Variants in IRAK1BP1 observed in about 807,000 individuals in gnomAD.
IRAK1BP1 encodes the protein interleukin-1 receptor-associated kinase 1-binding protein 1.
IRAK1BP1 carries 24 observed loss-of-function variants against 28.0 expected under a neutral mutation model. That is an observed-to-expected ratio of 0.86 (90% CI 0.62 to 1.20). The LOEUF (loss-of-function observed/expected upper bound fraction) is 1.20, where lower values mean the gene tolerates loss of function less well. Ranked by LOEUF, IRAK1BP1 falls within the 50% of genes most tolerant of loss-of-function variation. IRAK1BP1 has a pLI of 0.00. For missense variants in IRAK1BP1, 336 were observed against 316.7 expected, an observed-to-expected ratio of 1.06 and a Z score of -0.46; for synonymous variants, 131 against 116.3, an observed-to-expected ratio of 1.13 and a Z score of -0.81.
downstream of IRAK1BP1, chr6:78,947,673 T>C: frequency 6.5e-7 from 1 of 1,532,366 alleles, no homozygotes; most frequent in South Asian, 1.1e-5. Flanking sequence ...AAAATAAGTC[T>C]GACATCTTTA....
At chr6:78,922,840 G>T (rs971000770) in intron 4 of IRAK1BP1, among the ~76,000 whole-genome samples, 2 of 152,082 alleles carry the variant, frequency 1.3e-5, no homozygotes, top group African/African-American at 2.4e-5. Context: ...AGAAGTGAAG[G>T]AGAAATAAAA....
intron 2 of IRAK1BP1, among the ~76,000 whole-genome samples, chr6:78,890,044 G>T (rs1771581550): frequency 6.6e-6 from 1 of 152,068 alleles, no homozygotes; most frequent in Non-Finnish European, 1.5e-5. Flanking sequence ...TGATAAACTG[G>T]ATTAAGAAAA....
At chr6:78,936,942 T>C (rs1773293347) in intron 4 of IRAK1BP1, 1 of 151,800 alleles carries the variant, frequency 6.6e-6, no homozygotes, top group Non-Finnish European at 1.5e-5. Context: ...AAAAGTGTAT[T>C]TTTCAAATTT....
intron 1 of IRAK1BP1, chr6:78,871,578 C>A: frequency 6.2e-6 from 6 of 969,948 alleles, no homozygotes; most frequent in South Asian, 4.8e-5. Context: ...TGTTTCCCCC[C>A]AAAATTTATA....
At chr6:78,876,012 T>C (rs1327494890) in intron 1 of IRAK1BP1, among the ~76,000 whole-genome samples, 1 of 150,954 alleles carries the variant, frequency 6.6e-6, no homozygotes, top group Non-Finnish European at 1.5e-5. Flanking sequence ...GAGATTGTTA[T>C]CATCATGATT....
chr6:78,974,054 T>C, the IRAK1BP1 span, among the ~76,000 whole-genome samples: 5 of 152,086 alleles, frequency 3.3e-5, no homozygotes, highest in Admixed American at 1.3e-4. Context: ...ACTCTCCACC[T>C]CAAATCAACA....
intron 1 of IRAK1BP1, chr6:78,871,612 A>G (rs1770794354): frequency 1.2e-6 from 1 of 850,852 alleles, no homozygotes; most frequent in Non-Finnish European, 1.4e-6. Flanking sequence ...CCCAAGTATG[A>G]TGGTATTCGG....
At chr6:78,972,558 C>T in the IRAK1BP1 span, among the ~76,000 whole-genome samples, 2 of 152,120 alleles carry the variant, frequency 1.3e-5, no homozygotes, top group Non-Finnish European at 2.9e-5. Context: ...GAGAAGAAGG[C>T]TTCAGACGAT....
intron 1 of IRAK1BP1, among the ~76,000 whole-genome samples, chr6:78,878,439 A>G (rs1179796530): frequency 1.3e-5 from 2 of 152,332 alleles, no homozygotes; most frequent in East Asian, 1.9e-4. Context: ...AAGGGTCCTG[A>G]CTGTTAGAAT....
At chr6:78,963,350 A>C in the IRAK1BP1 span, 1 of 914,492 alleles carries the variant, frequency 1.1e-6, no homozygotes, top group African/African-American at 1.8e-5. Flanking sequence ...ATTAAAGTAT[A>C]TTTTGTATAG....
intron 1 of IRAK1BP1, among the ~76,000 whole-genome samples, chr6:78,882,492 T>G (rs1375141042): frequency 1.3e-5 from 2 of 152,196 alleles, no homozygotes; most frequent in African/African-American, 4.8e-5. Context: ...TAGTGTCATG[T>G]GGATACCATG....
At chr6:78,946,825 C>G, downstream of IRAK1BP1, 1 of 1,583,790 alleles carries the variant, frequency 6.3e-7, no homozygotes, top group Non-Finnish European at 8.6e-7. Context: ...TAAAACTGAA[C>G]TAATGTGTTC....
downstream of IRAK1BP1, among the ~76,000 whole-genome samples, chr6:78,908,056 T>TTATTTATC (rs938913831): frequency 2.1e-5 from 3 of 141,560 alleles, no homozygotes; most frequent in African/African-American, 8.2e-5. Flanking sequence ...ATTTATTTAT[T>TTATTTATC]TATCTATTTT....
At chr6:78,935,828 C>A (rs916239810) in intron 4 of IRAK1BP1, 3 of 753,252 alleles carry the variant, frequency 4.0e-6, no homozygotes, top group Non-Finnish European at 4.9e-6. Flanking sequence ...TGCCAAAAAA[C>A]TTTAAAAAGC....
Position 78,902,829 on chromosome 6 carries a change from C to A in IRAK1BP1, c.*4495C>A. The A allele has an allele frequency of 1.8e-6, 1 of 565,970 alleles. No individual in the cohort carries two copies. The highest frequency in any genetic ancestry group is 3.1e-6 in the Non-Finnish European group (1 of 317,914). The allele number at this position is 565,970 out of a possible 1,614,324, so 35.1% of individuals were successfully genotyped here. A position where few individuals can be genotyped will look rare whatever the true frequency, so the allele number is the denominator to read the frequency against. Reference sequence around the variant, plus strand: ...ATACATACATACATACATAAAATGCCCAGTATCTTACAAGACTGTAGTTCA... The same window carrying A: ...ATACATACATACATACATAAAATGCACAGTATCTTACAAGACTGTAGTTCA... On this transcript the variant is annotated 3_prime_UTR_variant, in exon 4 of 4. Coordinates refer to ENST00000369940, the MANE Select transcript of IRAK1BP1 (RefSeq NM_001010844.4).
chr6:78,896,517 T>C lies in IRAK1BP1; in HGVS notation c.382-1312T>C, dbSNP rs1043033078. ...TATGGCATTCTGAAAAAGGCAAATC[T>C]TTAACAGTGGAGAATGTATCAGTAG... On this transcript the variant is annotated intron_variant, in intron 2 of 3. Transcript: ENST00000369940. 2.0e-5 allele frequency among the ~76,000 whole-genome samples: 3 copies of C among 152,134 alleles called. No homozygotes were observed. In the East Asian group the frequency reaches 5.8e-4, roughly 29 times the overall value.
downstream of IRAK1BP1, among the ~76,000 whole-genome samples, chr6:78,905,028 A>C (rs1209524133): frequency 6.6e-6 from 1 of 152,226 alleles, no homozygotes; most frequent in Non-Finnish European, 1.5e-5. Context: ...CACAAAATTC[A>C]GCATATATTT....
chr6:78,959,397 A>G, the IRAK1BP1 span, among the ~76,000 whole-genome samples: 1 of 152,170 alleles, frequency 6.6e-6, no homozygotes, highest in Non-Finnish European at 1.5e-5. Flanking sequence ...GCTCATTCTG[A>G]TAACAGAATC....
At chr6:78,883,979 T>C (rs1771324637) in intron 1 of IRAK1BP1, among the ~76,000 whole-genome samples, 1 of 152,206 alleles carries the variant, frequency 6.6e-6, no homozygotes. Flanking sequence ...CTGGAGGTCT[T>C]GGAATTTATC....
Sources: gnomAD v4.1 joint callset for allele counts (sites outside exome capture counted in the v4.1 genomes callset) on GRCh38, gnomAD v4.1.1 for gene constraint, MANE v1.5 for transcripts, NCBI Gene and HGNC (gene_info 2026-07-23, HGNC 2026-07-21) for gene names.